Variants in GABRB1 observed in about 807,000 individuals in gnomAD.
The protein encoded by GABRB1 is gamma-aminobutyric acid type A receptor subunit beta1.
In GABRB1, 17 loss-of-function variants were observed where a neutral mutation model predicts 51.6. That is an observed-to-expected ratio of 0.33 (90% CI 0.23 to 0.49). GABRB1 has a LOEUF of 0.49. GABRB1 is among the 20% of genes least tolerant of loss of function. GABRB1 has a pLI of 0.99. For synonymous variants in GABRB1, 247 were observed against 218.9 expected (o/e 1.13, Z -1.14); for missense variants, 410 against 600.6 (o/e 0.68, Z 3.32).
intron 4 of GABRB1, among the ~76,000 whole-genome samples, chr4:47,288,337 A>G (rs1263761271): frequency 6.6e-6 from 1 of 151,872 alleles, no homozygotes; most frequent in Non-Finnish European, 1.5e-5. Flanking sequence ...ATCTCGGCTC[A>G]CTGCAACCTC....
At chr4:46,999,419 C>CA (rs1322170049) in intron 1 of GABRB1, among the ~76,000 whole-genome samples, 3 of 152,084 alleles carry the variant, frequency 2.0e-5, no homozygotes, top group African/African-American at 7.2e-5. Context: ...CAAACATGTT[C>CA]ATGAGGAGAC....
intron 4 of GABRB1, among the ~76,000 whole-genome samples, chr4:47,314,047 A>G (rs193211743): frequency 4.6e-5 from 7 of 152,044 alleles, no homozygotes; most frequent in Admixed American, 1.3e-4. Flanking sequence ...AGAGCTATTG[A>G]TTTCTTCTCT....
At chr4:47,178,789 A>C (rs1718811359) in intron 4 of GABRB1, among the ~76,000 whole-genome samples, 1 of 152,112 alleles carries the variant, frequency 6.6e-6, no homozygotes, top group Non-Finnish European at 1.5e-5. Context: ...TCCTGCTAAG[A>C]AGCTTAAGAA....
intron 4 of GABRB1, among the ~76,000 whole-genome samples, chr4:47,178,970 C>G (rs932661550): frequency 6.6e-6 from 1 of 151,928 alleles, no homozygotes; most frequent in African/African-American, 2.4e-5. Context: ...ATGGGCCATA[C>G]TTTTTTTATA....
At chr4:47,405,308 C>T (rs762865608) in intron 7 of GABRB1, among the ~76,000 whole-genome samples, 1 of 152,130 alleles carries the variant, frequency 6.6e-6, no homozygotes, top group Non-Finnish European at 1.5e-5. Flanking sequence ...TAGTCAAATC[C>T]GGGAATATAC....
Position 47,210,703 on chromosome 4 carries a change from TA to T in GABRB1, c.461+49235del, listed in dbSNP as rs141741635. On this transcript the variant is annotated intron_variant, in intron 4 of 8. Coordinates refer to ENST00000295454, the MANE Select transcript of GABRB1 (RefSeq NM_000812.4). ...TTCATTCATTCAATCAAAATGCCTTTATTAAATATTTGTGGAGACTTTCCTA... is the reference window on the plus strand; with the variant it reads ...TTCATTCATTCAATCAAAATGCCTTTTTAAATATTTGTGGAGACTTTCCTA... Among the ~76,000 whole-genome samples, 614 of 152,322 alleles carry T rather than the reference TA, an allele frequency of 4.0e-3. 6 individuals are homozygous for T. Among genetic ancestry groups the T allele is most frequent in the African/African-American group, 0.014 (594 of 41,576 alleles).
rs1442098 is a variant in GABRB1 at position 47,148,786 on chromosome 4, A to T, written c.241-12463A>T. ...CATGGCAGCAGAGTTCATCAGCATC[A>T]CTGGCTGATGAAGGAGAATTCATGG... On this transcript the variant is annotated intron_variant, in intron 3 of 8. Transcript: ENST00000295454. Among the ~76,000 whole-genome samples, 43 of 151,422 alleles carry T rather than the reference A, an allele frequency of 2.8e-4. 1 individual carries two copies.
At chr4:47,399,698 A>G (rs35082184) in intron 5 of GABRB1, among the ~76,000 whole-genome samples, 11,962 of 152,220 alleles carry the variant, frequency 0.079, 549 homozygotes, top group East Asian at 0.24. Flanking sequence ...TTCTCTGGAA[A>G]GAAGTGGTAT....
intron 4 of GABRB1, among the ~76,000 whole-genome samples, chr4:47,279,788 A>G (rs756551213): frequency 2.1e-4 from 32 of 150,098 alleles, no homozygotes; most frequent in Non-Finnish European, 2.4e-4. Flanking sequence ...CTTAATTTTC[A>G]ATTTCTGTGT....
At chr4:47,152,953 C>T (rs935062288) in intron 3 of GABRB1, among the ~76,000 whole-genome samples, 2 of 151,990 alleles carry the variant, frequency 1.3e-5, no homozygotes, top group Admixed American at 6.6e-5. Flanking sequence ...TCCTCCTACT[C>T]GATCATTTTG....
chr4:47,273,477 C>G (rs1457139338), intron 4 of GABRB1, among the ~76,000 whole-genome samples: 2 of 151,978 alleles, frequency 1.3e-5, no homozygotes, highest in Non-Finnish European at 2.9e-5. Context: ...AAGCCATGCC[C>G]CAAAGTCACA....
At chr4:47,040,797 G>A (rs1725806570) in intron 3 of GABRB1, among the ~76,000 whole-genome samples, 1 of 152,052 alleles carries the variant, frequency 6.6e-6, no homozygotes, top group Non-Finnish European at 1.5e-5. Context: ...AAAGGGTGCT[G>A]GGCAAAGACA....
At chr4:47,371,631 T>C (rs1271154568) in intron 5 of GABRB1, among the ~76,000 whole-genome samples, 1 of 152,230 alleles carries the variant, frequency 6.6e-6, no homozygotes, top group Non-Finnish European at 1.5e-5. Flanking sequence ...ATTGCCATTC[T>C]GACTAGTGTA....
At chr4:47,193,960 A>G (rs1396676221) in intron 4 of GABRB1, among the ~76,000 whole-genome samples, 1 of 152,212 alleles carries the variant, frequency 6.6e-6, no homozygotes, top group Non-Finnish European at 1.5e-5. Flanking sequence ...TGCAAAATGC[A>G]TTATTTCAGA....
At chr4:47,039,842 C>T (rs924923842) in intron 3 of GABRB1, among the ~76,000 whole-genome samples, 1 of 152,106 alleles carries the variant, frequency 6.6e-6, no homozygotes, top group Non-Finnish European at 1.5e-5. Flanking sequence ...GGAGGATTGT[C>T]AAGAGATCAG....
chr4:47,134,836 G>A (rs1181500582), intron 3 of GABRB1, among the ~76,000 whole-genome samples: 1 of 152,196 alleles, frequency 6.6e-6, no homozygotes, highest in Non-Finnish European at 1.5e-5. Flanking sequence ...TAATGAGTAG[G>A]TTGGGCACAA....
chr4:47,297,398 T>C (rs1724046824), intron 4 of GABRB1, among the ~76,000 whole-genome samples: 2 of 97,566 alleles, frequency 2.0e-5, no homozygotes, highest in Admixed American at 1.0e-4. Flanking sequence ...AAGAATCAAA[T>C]AGACACAAAA....
At chr4:47,037,547 G>C (rs1725638110) in intron 3 of GABRB1, among the ~76,000 whole-genome samples, 1 of 50,404 alleles carries the variant, frequency 2.0e-5, no homozygotes, top group African/African-American at 5.7e-5. Context: ...TGTTGTTGTT[G>C]TTGTTTTTTG....
At chr4:47,357,980 G>A (rs1042353057) in intron 5 of GABRB1, among the ~76,000 whole-genome samples, 1 of 152,124 alleles carries the variant, frequency 6.6e-6, no homozygotes, top group African/African-American at 2.4e-5. Flanking sequence ...GATGTGACAA[G>A]GTGCTATGCT....
Sources: gnomAD v4.1 joint callset for allele counts (sites outside exome capture counted in the v4.1 genomes callset) on GRCh38, gnomAD v4.1.1 for gene constraint, MANE v1.5 for transcripts, NCBI Gene and HGNC (gene_info 2026-07-23, HGNC 2026-07-21) for gene names.